The following EPC1 variants were observed in gnomAD, a reference collection of about 807,000 sequenced individuals.
EPC1 encodes enhancer of polycomb 1.
In EPC1, 12 loss-of-function variants were observed where a neutral mutation model predicts 98.4. That is an observed-to-expected ratio of 0.12 (90% CI 0.08 to 0.20). The LOEUF is 0.20. EPC1 is among the 10% of genes least tolerant of loss of function. The probability of loss-of-function intolerance (pLI) is 1.00; values close to 1 mark genes in which losing one functional copy is unlikely to be tolerated. For missense variants in EPC1, 729 were observed against 990.5 expected (o/e 0.74, Z 3.54); for synonymous variants, 357 against 363.9 (o/e 0.98, Z 0.21).
chr10:32,327,015 AAAATC>A (rs772326544), intron 1 of EPC1, among the ~76,000 whole-genome samples: 19 of 122,406 alleles, frequency 1.6e-4, no homozygotes, highest in East Asian at 7.6e-4. Flanking sequence ...AAAAAAAAAA[AAAATC>A]AATGTAAATT....
chr10:32,335,812 T>C (rs1330222079), intron 1 of EPC1, among the ~76,000 whole-genome samples: 1 of 152,198 alleles, frequency 6.6e-6, no homozygotes, highest in Admixed American at 6.5e-5. Context: ...CCTATGGTTA[T>C]ACTCTAGATT....
intron 1 of EPC1, chr10:32,345,248 T>C (rs965870967): frequency 1.0e-5 from 10 of 985,466 alleles, no homozygotes; most frequent in Non-Finnish European, 1.2e-5. Context: ...TGAAAGTCAG[T>C]GCCCAACTAG....
intron 1 of EPC1, among the ~76,000 whole-genome samples, chr10:32,341,757 TC>T (rs1838371267): frequency 6.6e-6 from 1 of 152,254 alleles, no homozygotes; most frequent in South Asian, 2.1e-4. Context: ...CTGTCCTTTT[TC>T]AATTATCCTC....
At chr10:32,347,308 G>C (rs2370761), upstream of EPC1, 9 of 608,966 alleles carry the variant, frequency 1.5e-5, no homozygotes, top group African/African-American at 2.0e-5. Flanking sequence ...CTCGCTTCCC[G>C]CGCCTCGCTG....
chr10:32,374,152 A>G (rs1414093974), intron 1 of EPC1, among the ~76,000 whole-genome samples: 1 of 152,182 alleles, frequency 6.6e-6, no homozygotes, highest in Admixed American at 6.5e-5. Flanking sequence ...GTGTTGAATT[A>G]TATTATTCTC....
chr10:32,364,012 T>C (rs1464765746), intron 1 of EPC1, among the ~76,000 whole-genome samples: 6 of 128,878 alleles, frequency 4.7e-5, no homozygotes, highest in African/African-American at 5.8e-5. Flanking sequence ...ATTTTTTTTT[T>C]TTTTTTTTTT....
intron 10 of EPC1, among the ~76,000 whole-genome samples, chr10:32,274,900 C>T (rs1026380002): frequency 2.6e-5 from 4 of 152,132 alleles, no homozygotes; most frequent in South Asian, 2.1e-4. Flanking sequence ...AAAAAATCCA[C>T]GAAAATTATT....
intron 1 of EPC1, among the ~76,000 whole-genome samples, chr10:32,370,247 C>A (rs1236922557): frequency 6.6e-6 from 1 of 152,146 alleles, no homozygotes; most frequent in Admixed American, 6.5e-5. Flanking sequence ...GAACTGGTTT[C>A]ACTGTCATTA....
intron 1 of EPC1, among the ~76,000 whole-genome samples, chr10:32,311,695 A>C (rs1289089729): frequency 6.6e-6 from 1 of 152,224 alleles, no homozygotes. Context: ...TGTGTATGCT[A>C]TATTTTTCCT....
chr10:32,308,538 A>G (rs1396162736), intron 1 of EPC1, among the ~76,000 whole-genome samples: 1 of 152,156 alleles, frequency 6.6e-6, no homozygotes, highest in African/African-American at 2.4e-5. Flanking sequence ...TTACATCTGT[A>G]ATTTATTTTT....
intron 1 of EPC1, among the ~76,000 whole-genome samples, chr10:32,313,865 G>A (rs982101340): frequency 2.6e-5 from 4 of 151,628 alleles, no homozygotes; most frequent in African/African-American, 7.3e-5. Flanking sequence ...CAGCCTGGGC[G>A]ACACAGCGAG....
At chr10:32,292,708 A>C in intron 4 of EPC1, 64 bp from the exon 5 acceptor site, 1 of 1,470,288 alleles carries the variant, frequency 6.8e-7, no homozygotes, top group South Asian at 1.3e-5. Flanking sequence ...ATAGTTATTG[A>C]CCCATAAAAT....
intron 1 of EPC1, among the ~76,000 whole-genome samples, chr10:32,363,465 T>C: frequency 6.6e-6 from 1 of 152,154 alleles, no homozygotes; most frequent in East Asian, 1.9e-4. Flanking sequence ...AGCCAGGTTC[T>C]AATTACCTTC....
upstream of EPC1, among the ~76,000 whole-genome samples, chr10:32,351,639 T>C (rs893186136): frequency 5.9e-5 from 9 of 151,378 alleles, no homozygotes; most frequent in African/African-American, 2.2e-4. Context: ...GGCTGGGCAA[T>C]AAGAGCGAAA....
intron 1 of EPC1, among the ~76,000 whole-genome samples, chr10:32,344,109 G>A (rs1348524733): frequency 2.0e-5 from 3 of 152,180 alleles, no homozygotes; most frequent in Non-Finnish European, 1.5e-5. Context: ...TTTATTAGAA[G>A]TACAAAATAC....
intron 6 of EPC1, among the ~76,000 whole-genome samples, chr10:32,289,417 T>TC (rs959154520): frequency 2.0e-5 from 3 of 149,092 alleles, no homozygotes; most frequent in Non-Finnish European, 1.5e-5. Flanking sequence ...ACTCCCCGCC[T>TC]CCCCCTGCAA....
At chr10:32,346,037 T>A (rs1462945955) in intron 1 of EPC1, among the ~76,000 whole-genome samples, 1 of 152,140 alleles carries the variant, frequency 6.6e-6, no homozygotes, top group African/African-American at 2.4e-5. Flanking sequence ...TCCGACCAAC[T>A]AGCTCTGGAG....
upstream of EPC1, among the ~76,000 whole-genome samples, chr10:32,351,951 G>C (rs1178819776): frequency 6.7e-6 from 1 of 150,224 alleles, no homozygotes; most frequent in South Asian, 2.1e-4. Flanking sequence ...GGCCAGGCTG[G>C]TCTCAAACTC....
chr10:32,318,582 C>T (rs1194351208), intron 1 of EPC1, among the ~76,000 whole-genome samples: 1 of 152,194 alleles, frequency 6.6e-6, no homozygotes, highest in Non-Finnish European at 1.5e-5. Context: ...TCTCACATAA[C>T]ATCGACACCC....
Sources: allele counts gnomAD v4.1 joint callset (sites outside exome capture counted in the v4.1 genomes callset), GRCh38; gene constraint gnomAD v4.1.1; transcripts MANE v1.5; gene names NCBI Gene and HGNC (gene_info 2026-07-23, HGNC 2026-07-21).